BCAR1: variants seen among roughly 807,000 people sequenced by gnomAD.
BCAR1 encodes BCAR1 scaffold protein, Cas family member.
In BCAR1, 30 loss-of-function variants were observed where a neutral mutation model predicts 67.6. The observed-to-expected ratio is 0.44, with a 90% CI of 0.33 to 0.60. BCAR1 has a LOEUF of 0.60. Ranked by LOEUF, BCAR1 falls within the 20% of genes least tolerant of loss-of-function variation. The probability of loss-of-function intolerance (pLI) is 0.02; values close to 1 mark genes in which losing one functional copy is unlikely to be tolerated. For synonymous variants in BCAR1, 626 were observed against 556.7 expected, an observed-to-expected ratio of 1.12 and a Z score of -1.75; for missense variants, 1,313 against 1,222.3, an observed-to-expected ratio of 1.07 and a Z score of -1.11.
At chr16:75,264,246 C>G (rs1303673311) in intron 1 of BCAR1, 12 of 1,370,284 alleles carry the variant, frequency 8.8e-6, no homozygotes, top group African/African-American at 1.5e-5. Flanking sequence ...TTGGCTCTGA[C>G]TGTGGACAAC....
chr16:75,264,817 G>A (rs990956857), intron 1 of BCAR1: 1 of 314,518 alleles, frequency 3.2e-6, no homozygotes, highest in Non-Finnish European at 5.1e-6. Flanking sequence ...AGGCCAGAGT[G>A]GACAGGGCTC....
At chr16:75,264,468 C>T in intron 1 of BCAR1, 2 of 1,494,136 alleles carry the variant, frequency 1.3e-6, no homozygotes, top group South Asian at 2.5e-5. Flanking sequence ...TCCAGGAGAG[C>T]AGAACAGAAG....
At chr16:75,260,867 C>A (rs2077893011) in intron 1 of BCAR1, among the ~76,000 whole-genome samples, 1 of 152,182 alleles carries the variant, frequency 6.6e-6, no homozygotes, top group South Asian at 2.1e-4. Context: ...GCCTACTGAG[C>A]CTCGGCTTTC....
chr16:75,256,958 G>T (rs1254457151), intron 1 of BCAR1, among the ~76,000 whole-genome samples: 1 of 152,188 alleles, frequency 6.6e-6, no homozygotes, highest in Non-Finnish European at 1.5e-5. Flanking sequence ...CTGACCACCA[G>T]GTCCTCCTCC....
chr16:75,265,760 G>C (rs1392224788), intron 1 of BCAR1: 21 of 1,195,968 alleles, frequency 1.8e-5, no homozygotes, highest in Non-Finnish European at 2.2e-5. Context: ...CCCGCAGCGG[G>C]CGGGGCGAGG....
At chr16:75,242,196 GCCT>G (rs949287773) in intron 2 of BCAR1, among the ~76,000 whole-genome samples, 2 of 152,232 alleles carry the variant, frequency 1.3e-5, no homozygotes. Flanking sequence ...CCACTGGAAC[GCCT>G]CAACAGGCTG....
chr16:75,252,086 G>T (rs2077694519), upstream of BCAR1: 1 of 1,049,046 alleles, frequency 9.5e-7, no homozygotes, highest in Non-Finnish European at 1.4e-6. Context: ...GAAAGGGGAG[G>T]GGGCGTGCCC....
chr16:75,257,845 G>A (rs979788911), intron 1 of BCAR1, among the ~76,000 whole-genome samples: 2 of 152,202 alleles, frequency 1.3e-5, no homozygotes, highest in African/African-American at 4.8e-5. Flanking sequence ...TATAGATAAA[G>A]GCTCCTCTGC....
chr16:75,265,947 C>T, intron 1 of BCAR1: 2 of 1,084,372 alleles, frequency 1.8e-6, no homozygotes, highest in Non-Finnish European at 2.2e-6. Flanking sequence ...TTTCCGGCTC[C>T]TCCGGCTCCT....
rs147143418 is a variant in BCAR1, at chr16:75,236,959, C to T, written c.835G>A (p.Gly279Ser). 5 of 1,610,704 alleles carry T rather than the reference C, an allele frequency of 3.1e-6. No individual in the cohort carries two copies. In the African/African-American group the frequency reaches 5.3e-5, roughly 17 times the overall value. The change falls in exon 4 of 7, where the codon GGC (glycine) becomes AGC (serine). Residue 279 changes from glycine to serine, a missense_variant. By Grantham distance (56) the Gly-to-Ser change is moderately conservative (BLOSUM62 0). Coordinates refer to ENST00000162330, the MANE Select transcript of BCAR1 (RefSeq NM_014567.5). ...TPPMAVKGPN[G>S]RDPLLEVYDV... ...TACACCTCCAGCAACGGGTCTCGGC[C>T]ATTGGGACCCTTGACAGCCATGGGG...
intron 1 of BCAR1, chr16:75,246,149 T>C (rs2077517736): frequency 6.6e-6 from 1 of 151,968 alleles, no homozygotes; most frequent in African/African-American, 2.4e-5. Context: ...CAGCTAATTT[T>C]GTGTAGAGAT....
chr16:75,267,408 G>C (rs560011539), intron 1 of BCAR1, among the ~76,000 whole-genome samples: 3,391 of 145,884 alleles, frequency 0.023, 78 homozygotes, highest in Middle Eastern at 0.11. Flanking sequence ...GGGGGGGTGG[G>C]GGGCCTGGAC....
At chr16:75,233,797 CAG>C (rs1205705135) in intron 6 of BCAR1, 47 bp downstream of exon 6, 1 of 1,538,226 alleles carries the variant, frequency 6.5e-7, no homozygotes, top group Non-Finnish European at 8.8e-7. Flanking sequence ...GCTGGGGGCT[CAG>C]GGGGTCAGCG....
chr16:75,251,727 C>T (rs1056728330), upstream of BCAR1: 31 of 979,608 alleles, frequency 3.2e-5, no homozygotes, highest in African/African-American at 8.8e-5. Context: ...TGCAAATAAG[C>T]CGCCTGTCGG....
chr16:75,261,679 G>T (rs1395012094), intron 1 of BCAR1, among the ~76,000 whole-genome samples: 1 of 152,218 alleles, frequency 6.6e-6, no homozygotes, highest in Non-Finnish European at 1.5e-5. Context: ...AGGCTCAAGA[G>T]GCCAGGGTCC....
At chr16:75,255,228 C>T (rs1054850952), upstream of BCAR1, among the ~76,000 whole-genome samples, 2 of 152,194 alleles carry the variant, frequency 1.3e-5, no homozygotes, top group African/African-American at 4.8e-5. Flanking sequence ...GCACACAGCC[C>T]CCTCCCCTCC....
rs2151383013 is a variant in BCAR1 at position 75,229,329 on chromosome 16, G to A, written c.*182C>T. On this transcript the variant is annotated 3_prime_UTR_variant, in exon 7 of 7. Transcript: ENST00000162330. ...GCCCCTGGGCTTCGGCTCCTGAGGAGGCATGGCCCCACACCCTGCCCGGCC... is the reference window on the plus strand; with the variant it reads ...GCCCCTGGGCTTCGGCTCCTGAGGAAGCATGGCCCCACACCCTGCCCGGCC... 1 of 1,032,646 alleles carries A rather than the reference G, an allele frequency of 9.7e-7. No homozygotes were observed. The highest frequency in any genetic ancestry group is 2.8e-5 in the East Asian group (1 of 36,230). 64.0% of individuals were successfully genotyped at this position (1,032,646 alleles called of 1,614,324 possible).
At chr16:75,238,256 T>C in intron 2 of BCAR1, 2 of 1,165,732 alleles carry the variant, frequency 1.7e-6, no homozygotes, top group Middle Eastern at 3.1e-4. Flanking sequence ...CTTGGGGAGG[T>C]CAAGGCCTCC....
chr16:75,257,670 G>A (rs1207534861), intron 1 of BCAR1, among the ~76,000 whole-genome samples: 1 of 152,064 alleles, frequency 6.6e-6, no homozygotes, highest in Non-Finnish European at 1.5e-5. Context: ...GCCCAGGCTC[G>A]TCTCCAACTC....
Sources: allele counts gnomAD v4.1 joint callset (sites outside exome capture counted in the v4.1 genomes callset), GRCh38; gene constraint gnomAD v4.1.1; transcripts MANE v1.5; gene names NCBI Gene and HGNC (gene_info 2026-07-23, HGNC 2026-07-21).